Variants in ARHGEF18 observed in about 807,000 individuals in gnomAD.
ARHGEF18 encodes the protein rho guanine nucleotide exchange factor 18.
In ARHGEF18, 93 loss-of-function variants were observed where a neutral mutation model predicts 155.7. The observed-to-expected ratio is 0.60, with a 90% confidence interval of 0.50 to 0.71. ARHGEF18 has a LOEUF of 0.71. Among genes scored for constraint, ARHGEF18 ranks in the 30% least tolerant of loss-of-function variants. The probability of loss-of-function intolerance (pLI) is 0.00; values close to 1 mark genes in which losing one functional copy is unlikely to be tolerated. For synonymous variants in ARHGEF18, 742 were observed against 753.1 expected (o/e 0.99, Z 0.24); for missense variants, 1,593 against 1,816.1 (o/e 0.88, Z 2.23).
At position 7,440,109 on chromosome 19, in the gene ARHGEF18, A is replaced by G; in HGVS notation, c.968-235A>G. The G allele has an allele frequency of 6.4e-7, 1 of 1,550,784 alleles. No individual in the cohort carries two copies. The highest frequency in any genetic ancestry group is 8.7e-7 in the Non-Finnish European group (1 of 1,146,752). On this transcript the variant is annotated intron_variant, in intron 10 of 28. Transcript: ENST00000668164. The surrounding 1 kb of genome is among the most constrained non-coding windows in gnomAD (Gnocchi z 5.4). The stretch of plus-strand genomic sequence containing the variant: ...CGGAGCCCCGGGCGCGAACATGGGG[A>G]ATGCGCACTCCAAAAGCGGGGACAG...
Position 7,463,229 on chromosome 19 carries a change from T to TCTCC in ARHGEF18, c.2636-584_2636-581dup, listed in dbSNP as rs1170186451. On this transcript the variant is annotated intron_variant, in intron 21 of 28. Transcript: ENST00000668164. This position sits in a 1 kb window ranked among gnomAD's most constrained non-coding sequence, Gnocchi z 5.2. ...GACGGCAGAGACGGGGGTCAGTCTT[T>TCTCC]CTCCCTCCAGGCCCACTGACATCCT... Among the ~76,000 whole-genome samples, 1 of 152,104 alleles carries TCTCC rather than the reference T, an allele frequency of 6.6e-6. No homozygotes were observed. The highest frequency in any genetic ancestry group is 1.5e-5 in the Non-Finnish European group (1 of 68,010).
intron 10 of ARHGEF18, chr19:7,383,425 C>T (rs530402472): frequency 2.1e-5 from 9 of 422,396 alleles, no homozygotes; most frequent in South Asian, 1.2e-4. Context: ...TCAGCTTTTG[C>T]GATTGTGGGA....
At chr19:7,352,230 A>G (rs1240457290) in intron 1 of ARHGEF18, among the ~76,000 whole-genome samples, 4 of 150,444 alleles carry the variant, frequency 2.7e-5, no homozygotes, top group South Asian at 2.1e-4. Flanking sequence ...AGGAAAGATC[A>G]CTTTAATCTG....
chr19:7,352,233 T>C (rs780267965), intron 1 of ARHGEF18, among the ~76,000 whole-genome samples: 1 of 151,908 alleles, frequency 6.6e-6, no homozygotes, highest in Non-Finnish European at 1.5e-5. Context: ...AAAGATCACT[T>C]TAATCTGATT....
At chr19:7,383,362 T>C (rs1252138746) in intron 10 of ARHGEF18, 159 bp downstream of exon 10, 10 of 733,116 alleles carry the variant, frequency 1.4e-5, no homozygotes, top group African/African-American at 1.8e-5. Context: ...GATCAGTCCC[T>C]GGGCACAGGG....
intron 10 of ARHGEF18, among the ~76,000 whole-genome samples, chr19:7,387,946 T>C (rs1396312872): frequency 7.0e-6 from 1 of 143,246 alleles, no homozygotes; most frequent in East Asian, 2.0e-4. Flanking sequence ...ATTATAGGCA[T>C]GAGCCACCGT....
At chr19:7,409,351 T>G (rs1288900876) in intron 10 of ARHGEF18, among the ~76,000 whole-genome samples, 3 of 110,632 alleles carry the variant, frequency 2.7e-5, no homozygotes, top group African/African-American at 9.3e-5. Context: ...AAAAAAAGAC[T>G]TAATGGCAGT....
chr19:7,451,048 T>C, intron 15 of ARHGEF18, 101 bp from the exon 16 acceptor site: 1 of 1,079,114 alleles, frequency 9.3e-7, no homozygotes. Flanking sequence ...ATTTCCGAGA[T>C]GTTAATGCGG....
Position 7,462,806 on chromosome 19 carries a change from C to T in ARHGEF18, c.2635+472C>T, listed in dbSNP as rs1030417746. 4.0e-5 allele frequency among the ~76,000 whole-genome samples: 6 copies of T among 151,332 alleles called. No individual in the cohort carries two copies. The highest frequency in any genetic ancestry group is 1.2e-4 in the African/African-American group (5 of 41,162). On this transcript the variant is annotated intron_variant, in intron 21 of 28. Coordinates refer to ENST00000668164, the MANE Select transcript of ARHGEF18 (RefSeq NM_001367823.1). The surrounding 1 kb of genome is among the most constrained non-coding windows in gnomAD (Gnocchi z 4.4). ...GCTGGCCGCTTGAGCAGGCAGTCAG[C>T]GCCCAGTCTGCTCTTTCTTTTTTTC...
intron 10 of ARHGEF18, among the ~76,000 whole-genome samples, chr19:7,427,406 C>T (rs867012727): frequency 4.4e-4 from 65 of 149,352 alleles, no homozygotes; most frequent in African/African-American, 3.7e-4. Context: ...TTTGGGAGGC[C>T]GAGGTGGGAG....
At chr19:7,363,416 AG>A (rs1285968034) in intron 2 of ARHGEF18, among the ~76,000 whole-genome samples, 1 of 151,934 alleles carries the variant, frequency 6.6e-6, no homozygotes, top group East Asian at 1.9e-4. Flanking sequence ...GGATGAAGGA[AG>A]GAAGGAAAGA....
At chr19:7,375,926 AGTGCTAT>A (rs1970440352) in intron 4 of ARHGEF18, 56 bp downstream of exon 4, 1 of 1,233,544 alleles carries the variant, frequency 8.1e-7, no homozygotes, top group African/African-American at 1.6e-5. Context: ...TTTAGAAAGC[AGTGCTAT>A]AGGTAGGAAG....
intron 1 of ARHGEF18, among the ~76,000 whole-genome samples, chr19:7,357,702 G>A (rs1969365981): frequency 6.6e-6 from 1 of 152,070 alleles, no homozygotes; most frequent in African/African-American, 2.4e-5. Flanking sequence ...CTTAAGCTCT[G>A]TAATTGGCTG....
intron 22 of ARHGEF18, 83 bp from the exon 23 acceptor site, chr19:7,464,477 G>A (rs543958916): frequency 6.6e-7 from 1 of 1,516,812 alleles, no homozygotes; most frequent in South Asian, 1.3e-5. Flanking sequence ...TTCCTACCTG[G>A]GCAGGGGCTG....
chr19:7,352,575 C>G (rs1313117613), intron 1 of ARHGEF18, among the ~76,000 whole-genome samples: 2 of 122,644 alleles, frequency 1.6e-5, no homozygotes, highest in Non-Finnish European at 3.3e-5. Flanking sequence ...ACTCTGTCAC[C>G]CAGGCTGTCG....
intron 10 of ARHGEF18, among the ~76,000 whole-genome samples, chr19:7,385,011 T>C (rs1368632664): frequency 6.6e-6 from 1 of 152,172 alleles, no homozygotes; most frequent in Non-Finnish European, 1.5e-5. Context: ...AAATCTTCAG[T>C]GCACCAACAA....
At chr19:7,452,075 A>C (rs1002028751) in intron 16 of ARHGEF18, among the ~76,000 whole-genome samples, 1 of 152,176 alleles carries the variant, frequency 6.6e-6, no homozygotes, top group Admixed American at 6.5e-5. Context: ...AGCACCATGA[A>C]AGCAGGAGCC....
intron 3 of ARHGEF18, 132 bp downstream of exon 3, chr19:7,373,203 G>C (rs2145404234): frequency 8.8e-7 from 1 of 1,134,364 alleles, no homozygotes; most frequent in Non-Finnish European, 1.1e-6. Context: ...TTTGGTACCA[G>C]GGACCAGTTT....
At chr19:7,474,785 C>G (rs564764513), downstream of ARHGEF18, among the ~76,000 whole-genome samples, 268 of 92,862 alleles carry the variant, frequency 2.9e-3, no homozygotes, top group African/African-American at 0.021. Flanking sequence ...GTGTGTGTGT[C>G]TCCCCCCACC....
Sources: allele counts gnomAD v4.1 joint callset (sites outside exome capture counted in the v4.1 genomes callset), GRCh38; gene constraint gnomAD v4.1.1; non-coding constraint Gnocchi (gnomAD v3.1); transcripts MANE v1.5; gene names NCBI Gene and HGNC (gene_info 2026-07-23, HGNC 2026-07-21).